The following IFI44 variants were observed in gnomAD, a reference collection of about 807,000 sequenced individuals.
IFI44 encodes interferon induced protein 44, also known as interferon-induced protein 44.
Under a neutral mutation model 45.0 loss-of-function variants are expected in IFI44, and 42 were observed. The observed-to-expected ratio is 0.93, with a 90% confidence interval of 0.73 to 1.21. The LOEUF (loss-of-function observed/expected upper bound fraction) is 1.21, where lower values mean the gene tolerates loss of function less well. Ranked by LOEUF, IFI44 falls within the 50% of genes most tolerant of loss-of-function variation. The pLI is 0.00. For synonymous variants in IFI44, 221 were observed against 188.6 expected (o/e 1.17, Z -1.41); for missense variants, 623 against 525.8 (o/e 1.18, Z -1.81).
chr1:78,655,033 T>A lies in IFI44; in HGVS notation c.514T>A (p.Ser172Thr). 6.2e-7 allele frequency: 1 copy of A among 1,613,008 alleles called. No homozygotes were observed. Among genetic ancestry groups the A allele is most frequent in the Non-Finnish European group, 8.5e-7 (1 of 1,179,408 alleles). ...GVIELRKSLL[S>T]ALRTYEPYGS... Reference sequence around the variant, plus strand: ...AAACAGGCTCAGGAAGAGCTTACTGTCTGCCTTGAGAACTTATGAACCATA... The same window carrying A: ...AAACAGGCTCAGGAAGAGCTTACTGACTGCCTTGAGAACTTATGAACCATA... The change falls in exon 4 of 9, where the codon TCT (serine) becomes ACT (threonine). Residue 172 changes from serine to threonine, a missense_variant. Coordinates refer to ENST00000370747, the MANE Select transcript of IFI44 (RefSeq NM_006417.5).
In IFI44 at chr1:78,658,152, T is replaced by C. The variant is rs563116123; in HGVS notation, c.841-1160T>C. Among the ~76,000 whole-genome samples the C allele has an allele frequency of 1.4e-3, 210 of 152,218 alleles. 3 individuals carry two copies. Among genetic ancestry groups the C allele is most frequent in the African/African-American group, 4.8e-3 (200 of 41,566 alleles). The stretch of plus-strand genomic sequence containing the variant: ...TCAGTACTAGAAAGTTTTTACTTAC[T>C]CTCTTTTCTATCACTCGTATATCTG... On this transcript the variant is annotated intron_variant, in intron 5 of 8. Coordinates refer to ENST00000370747, the MANE Select transcript of IFI44 (RefSeq NM_006417.5).
intron 7 of IFI44, among the ~76,000 whole-genome samples, chr1:78,662,250 G>T (rs978324176): frequency 1.3e-5 from 2 of 152,132 alleles, no homozygotes; most frequent in African/African-American, 4.8e-5. Context: ...TTTTACAAGT[G>T]AGGAAACAAA....
intron 1 of IFI44, 128 bp from the exon 2 acceptor site, chr1:78,650,058 C>G: frequency 2.0e-6 from 1 of 500,082 alleles, no homozygotes. Context: ...TTTTTGCTTT[C>G]TGTTCATCCT....
At chr1:78,663,486 T>A in intron 8 of IFI44, 1 of 985,308 alleles carries the variant, frequency 1.0e-6, no homozygotes, top group Non-Finnish European at 1.2e-6. Context: ...GAGGTTTCAG[T>A]TTAGTATACT....
chr1:78,662,927 T>C (rs1647552299), intron 8 of IFI44, 49 bp downstream of exon 8: 1 of 1,612,622 alleles, frequency 6.2e-7, no homozygotes, highest in African/African-American at 1.3e-5. Flanking sequence ...GGTAGTTGGC[T>C]ACTTTCTGCT....
In IFI44 at chr1:78,659,320, C is replaced by T. The variant is rs1321232686; in HGVS notation, c.849C>T (p.Pro283=). 3 of 1,611,220 alleles carry T rather than the reference C, an allele frequency of 1.9e-6. No homozygotes were observed. Among genetic ancestry groups the T allele is most frequent in the Admixed American group, 3.3e-5 (2 of 59,930 alleles). Residue 283 remains proline, a synonymous_variant, in exon 6 of 9, where the codon CCC becomes CCT. Coordinates refer to ENST00000370747, the MANE Select transcript of IFI44 (RefSeq NM_006417.5). ...GNIRDRYQFN[P]MESIKLNHHD... is the part of the protein sequence containing the mutation. ...TTATGTCTACCTTACAGTTTAATCC[C>T]ATGGAATCAATCAAATTAAATCATC...
intron 5 of IFI44, 113 bp from the exon 6 acceptor site, chr1:78,659,199 T>C (rs1647312635): frequency 1.2e-6 from 1 of 819,382 alleles, no homozygotes; most frequent in Admixed American, 2.3e-5. Context: ...CTCATACTAT[T>C]AGAGACTTTT....
intron 7 of IFI44, among the ~76,000 whole-genome samples, chr1:78,661,668 G>A (rs1024465756): frequency 3.9e-5 from 6 of 152,044 alleles, no homozygotes; most frequent in Non-Finnish European, 8.8e-5. Context: ...GATTATGTAC[G>A]ATTGAGTGTG....
chr1:78,654,489 T>C (rs758604352), intron 3 of IFI44, among the ~76,000 whole-genome samples: 1 of 152,096 alleles, frequency 6.6e-6, no homozygotes, highest in African/African-American at 2.4e-5. Context: ...TAATGTCATA[T>C]ACTTGAAGAA....
chr1:78,652,635 T>C (rs1294156384), intron 2 of IFI44, among the ~76,000 whole-genome samples: 2 of 152,222 alleles, frequency 1.3e-5, no homozygotes, highest in East Asian at 3.9e-4. Flanking sequence ...CACCCTTATT[T>C]TTGTACGTAG....
intron 5 of IFI44, among the ~76,000 whole-genome samples, chr1:78,656,655 C>A (rs778764772): frequency 6.6e-6 from 1 of 151,352 alleles, no homozygotes; most frequent in Non-Finnish European, 1.5e-5. Flanking sequence ...TAGGCCTTTT[C>A]AAGTGAGGTT....
In IFI44 at chr1:78,663,947, G is replaced by T. The variant is rs546820545; in HGVS notation, c.*136G>T. 6.3e-4 allele frequency: 381 copies of T among 608,854 alleles called. 4 individuals carry two copies. Among genetic ancestry groups the T allele is most frequent in the Admixed American group, 8.2e-4 (23 of 28,186 alleles). The allele number at this position is 608,854 out of a possible 1,614,324, so 37.7% of individuals were successfully genotyped here. ...AATGTCTAGGATGAAGAAATGCATA[G>T]AACATTGTAGTACTTGTAAATAACT... On this transcript the variant is annotated 3_prime_UTR_variant, in exon 9 of 9. Transcript: ENST00000370747.
intron 5 of IFI44, among the ~76,000 whole-genome samples, chr1:78,655,920 G>C (rs1317859599): frequency 6.6e-6 from 1 of 152,142 alleles, no homozygotes; most frequent in African/African-American, 2.4e-5. Flanking sequence ...GAAGTCCCTA[G>C]TCCTCAATGT....
chr1:78,663,196 T>G (rs905601378), intron 8 of IFI44: 2 of 985,388 alleles, frequency 2.0e-6, no homozygotes, highest in Middle Eastern at 5.2e-4. Context: ...CAGACTATGT[T>G]TCTTTACTTG....
Position 78,650,517 on chromosome 1 carries a change from T to C in IFI44, c.322T>C (p.Tyr108His), listed in dbSNP as rs1323200945. Reference protein sequence around the residue: ...ETLFCCDVTKYNSPTNFQIDG... With the variant: ...ETLFCCDVTKHNSPTNFQIDG... ...ACTGTTTTGTTGTGATGTTACAAAA[T>C]ATAACTCCCCAACTAATTTCCAGAT... Residue 108 changes from tyrosine to histidine, a missense_variant, in exon 2 of 9, where the codon TAT becomes CAT. Coordinates refer to ENST00000370747, the MANE Select transcript of IFI44 (RefSeq NM_006417.5). 1 of 1,613,792 alleles carries C rather than the reference T, an allele frequency of 6.2e-7. No individual in the cohort carries two copies. Among genetic ancestry groups the C allele is most frequent in the Middle Eastern group, 1.7e-4 (1 of 6,058 alleles).
At position 78,650,495 on chromosome 1, in the gene IFI44, G is replaced by GTT; in HGVS notation, c.303_304dup (p.Cys102PhefsTer16). The stretch of plus-strand genomic sequence containing the variant: ...TAGGACTATGTACACCAGAAACACT[G>GTT]TTTTGTTGTGATGTTACAAAATATA... On this transcript the variant is annotated frameshift_variant, in exon 2 of 9. Coordinates refer to ENST00000370747, the MANE Select transcript of IFI44 (RefSeq NM_006417.5). LOFTEE classifies it high-confidence loss of function. 11 of 1,614,018 alleles carry GTT rather than the reference G, an allele frequency of 6.8e-6. No individual in the cohort carries two copies. In the Middle Eastern group the frequency reaches 1.5e-3, roughly 218 times the overall value.
rs142893613 is a variant in IFI44 at position 78,652,324 on chromosome 1, G to T, written c.457+1672G>T. Reference sequence around the variant, plus strand: ...TCTCGAACTCCTGACCTCGTAATCCGCTTGCCTTGGCCTCCCTAAGTGCTG... The same window carrying T: ...TCTCGAACTCCTGACCTCGTAATCCTCTTGCCTTGGCCTCCCTAAGTGCTG... On this transcript the variant is annotated intron_variant, in intron 2 of 8. Coordinates refer to ENST00000370747, the MANE Select transcript of IFI44 (RefSeq NM_006417.5). Among the ~76,000 whole-genome samples, 575 of 152,174 alleles carry T rather than the reference G, an allele frequency of 3.8e-3. 2 individuals carry two copies. The highest frequency in any genetic ancestry group is 0.013 in the African/African-American group (555 of 41,508).
rs116558689 is a variant in IFI44, at chr1:78,650,528, A to G, written c.333A>G (p.Pro111=). ...GTGATGTTACAAAATATAACTCCCC[A>G]ACTAATTTCCAGATAGATGGAAGAA... ...FCCDVTKYNS[P]TNFQIDGRNR... Residue 111 remains proline, a synonymous_variant, in exon 2 of 9, where the codon CCA becomes CCG. Transcript: ENST00000370747. The G allele has an allele frequency of 1.9e-6, 3 of 1,613,692 alleles. No individual in the cohort carries two copies. Among genetic ancestry groups the G allele is most frequent in the African/African-American group, 2.7e-5 (2 of 75,056 alleles).
In IFI44 at chr1:78,650,467, A is replaced by G; in HGVS notation, c.272A>G (p.Lys91Arg). The G allele has an allele frequency of 6.2e-7, 1 of 1,614,086 alleles. No individual in the cohort carries two copies. Among genetic ancestry groups the G allele is most frequent in the Non-Finnish European group, 8.5e-7 (1 of 1,179,960 alleles). ...CAAGATACTAAAATTTCAGAATGGA[A>G]ACTAGGACTATGTACACCAGAAACA... ...ALQDTKISEWKLGLCTPETLF... is the reference protein window; with the variant it reads ...ALQDTKISEWRLGLCTPETLF... The change falls in exon 2 of 9, where the codon AAA (lysine) becomes AGA (arginine). Residue 91 changes from lysine to arginine, a missense_variant. Coordinates refer to ENST00000370747, the MANE Select transcript of IFI44 (RefSeq NM_006417.5).
Sources: allele counts gnomAD v4.1 joint callset (sites outside exome capture counted in the v4.1 genomes callset), GRCh38; gene constraint gnomAD v4.1.1; transcripts MANE v1.5; gene names NCBI Gene and HGNC (gene_info 2026-07-23, HGNC 2026-07-21).